The following SPIRE1 variants were observed in gnomAD, a reference collection of about 807,000 sequenced individuals.
SPIRE1 encodes spire type actin nucleation factor 1.
A neutral mutation model predicts 94.1 loss-of-function variants in SPIRE1; 40 were observed. The ratio of observed to expected loss-of-function variants is 0.43; its 90% CI spans 0.33 to 0.55. SPIRE1 has a LOEUF of 0.55. Among genes scored for constraint, SPIRE1 ranks in the 20% least tolerant of loss-of-function variants. SPIRE1 has a pLI of 0.06. For missense variants in SPIRE1, 838 were observed against 975.2 expected, an observed-to-expected ratio of 0.86 and a Z score of 1.87; for synonymous variants, 376 against 371.7, an observed-to-expected ratio of 1.01 and a Z score of -0.13.
At chr18:12,502,235 C>A (rs575541998) in intron 6 of SPIRE1, among the ~76,000 whole-genome samples, 1 of 152,102 alleles carries the variant, frequency 6.6e-6, no homozygotes, top group South Asian at 2.1e-4. Flanking sequence ...GAGAAAGGTT[C>A]TTGCAGTGTA....
At chr18:12,523,479 G>A (rs1337085951) in intron 4 of SPIRE1, among the ~76,000 whole-genome samples, 1 of 152,176 alleles carries the variant, frequency 6.6e-6, no homozygotes, top group Non-Finnish European at 1.5e-5. Context: ...GTTCTACTGT[G>A]GGTAATGTGC....
intron 2 of SPIRE1, among the ~76,000 whole-genome samples, chr18:12,574,690 G>C (rs2036047136): frequency 6.6e-6 from 1 of 152,210 alleles, no homozygotes; most frequent in African/African-American, 2.4e-5. Context: ...ACTGAAGTCA[G>C]AGTGTATGAG....
At position 12,497,999 on chromosome 18, in the gene SPIRE1, G is replaced by A. The variant is rs550204201; in HGVS notation, c.973-1897C>T. Among the ~76,000 whole-genome samples the A allele has an allele frequency of 2.6e-4, 40 of 152,310 alleles. 1 individual carries two copies. Among genetic ancestry groups the A allele is most frequent in the Admixed American group, 2.6e-3 (40 of 15,300 alleles). On this transcript the variant is annotated intron_variant, in intron 6 of 16. Coordinates refer to ENST00000409402, the MANE Select transcript of SPIRE1 (RefSeq NM_001128626.2). ...ATGTGGGACAATGCTCCTGAGGGAG[G>A]CAGCAGGCCATTATGGACCTAAGTC...
chr18:12,480,019 G>A, intron 9 of SPIRE1, 148 bp from the exon 10 acceptor site: 1 of 564,918 alleles, frequency 1.8e-6, no homozygotes, highest in Non-Finnish European at 2.9e-6. Flanking sequence ...TCTTCTGGTT[G>A]GATATTAACT....
At chr18:12,600,880 A>G (rs115450289) in intron 2 of SPIRE1, among the ~76,000 whole-genome samples, 2,358 of 151,948 alleles carry the variant, frequency 0.016, 47 homozygotes, top group Middle Eastern at 0.044. Flanking sequence ...ACGCAACCAC[A>G]CCCAACTAAT....
In SPIRE1 at chr18:12,508,295, T is replaced by A. The variant is rs183074840; in HGVS notation, c.808-1654A>T. ...CATCCTCAATAACGATTCATAATTT[T>A]AAAAAAATGTTGGGTTTGGACAATA... On this transcript the variant is annotated intron_variant, in intron 5 of 16. Coordinates refer to ENST00000409402, the MANE Select transcript of SPIRE1 (RefSeq NM_001128626.2). 5.3e-3 allele frequency among the ~76,000 whole-genome samples: 803 copies of A among 152,252 alleles called. 6 individuals carry two copies. Among genetic ancestry groups the A allele is most frequent in the African/African-American group, 0.018 (763 of 41,546 alleles).
At chr18:12,500,089 C>T (rs191667069) in intron 6 of SPIRE1, among the ~76,000 whole-genome samples, 79 of 152,096 alleles carry the variant, frequency 5.2e-4, no homozygotes, top group Non-Finnish European at 9.3e-4. Context: ...TACACATGGA[C>T]GCAAAGATGG....
At chr18:12,566,797 C>T (rs139907235) in intron 2 of SPIRE1, among the ~76,000 whole-genome samples, 1 of 152,130 alleles carries the variant, frequency 6.6e-6, no homozygotes, top group Non-Finnish European at 1.5e-5. Flanking sequence ...CAACCCTCTA[C>T]AATCTACCTC....
At chr18:12,623,375 A>C (rs779914851) in intron 2 of SPIRE1, among the ~76,000 whole-genome samples, 39 of 151,724 alleles carry the variant, frequency 2.6e-4, no homozygotes, top group Non-Finnish European at 3.4e-4. Flanking sequence ...GGATGGTCTC[A>C]ATCTCCTGAC....
At chr18:12,494,188 C>T (rs2033349611) in intron 7 of SPIRE1, among the ~76,000 whole-genome samples, 1 of 152,308 alleles carries the variant, frequency 6.6e-6, no homozygotes. Context: ...GTGGGGATTA[C>T]AGGTGTGAGC....
intron 10 of SPIRE1, among the ~76,000 whole-genome samples, chr18:12,470,474 G>T (rs2143672366): frequency 6.6e-6 from 1 of 152,212 alleles, no homozygotes; most frequent in East Asian, 1.9e-4. Context: ...TTTTCTGATT[G>T]CTTAAAATGA....
intron 3 of SPIRE1, among the ~76,000 whole-genome samples, chr18:12,544,688 A>G (rs1346962041): frequency 6.6e-6 from 1 of 152,154 alleles, no homozygotes. Context: ...TTCATTTTTC[A>G]TATAATGATA....
rs558747899 is a variant in SPIRE1, at chr18:12,458,600, A to T, written c.1639-4117T>A. Among the ~76,000 whole-genome samples, 593 of 152,236 alleles carry T rather than the reference A, an allele frequency of 3.9e-3. 7 individuals carry two copies. The highest frequency in any genetic ancestry group is 2.9e-3 in the Non-Finnish European group (198 of 67,998). ...CTGCACTCCAGCCTGAGTGACAGAG[A>T]GAGACTCCATCTCAAAAAAAACAAA... On this transcript the variant is annotated intron_variant, in intron 12 of 16. Transcript: ENST00000409402.
rs1598479390 is a variant in SPIRE1, at chr18:12,567,121, AGG to A, written c.373-20219_373-20218del. On this transcript the variant is annotated intron_variant, in intron 2 of 16. Transcript: ENST00000409402. ...CTGGAACTAATAAGCAATTATAGCAAGGTTGCAGGATACAAGGTTAATATACA... is the reference window on the plus strand; with the variant it reads ...CTGGAACTAATAAGCAATTATAGCAATTGCAGGATACAAGGTTAATATACA... Among the ~76,000 whole-genome samples the A allele has an allele frequency of 5.9e-5, 9 of 152,340 alleles. No homozygotes were observed. The East Asian group carries it at 1.7e-3, about 29-fold the overall frequency.
intron 2 of SPIRE1, among the ~76,000 whole-genome samples, chr18:12,553,556 C>T (rs1038314380): frequency 1.3e-5 from 2 of 152,102 alleles, no homozygotes; most frequent in African/African-American, 4.8e-5. Context: ...AGCTCAACCA[C>T]AGTAGAACAG....
chr18:12,498,767 C>T (rs1039063379), intron 6 of SPIRE1, among the ~76,000 whole-genome samples: 2 of 152,186 alleles, frequency 1.3e-5, no homozygotes, highest in South Asian at 4.1e-4. Context: ...GCTGGGACTA[C>T]AGGTGTGAAC....
intron 10 of SPIRE1, 140 bp from the exon 11 acceptor site, chr18:12,465,098 C>T: frequency 1.5e-6 from 1 of 686,500 alleles, no homozygotes; most frequent in Non-Finnish European, 2.5e-6. Context: ...AAAAGACAAA[C>T]TAGAAGGGGT....
At chr18:12,659,834 A>G (rs1272727390), upstream of SPIRE1, among the ~76,000 whole-genome samples, 3 of 152,084 alleles carry the variant, frequency 2.0e-5, no homozygotes, top group African/African-American at 7.2e-5. Context: ...CAAAGCCCAG[A>G]GAGGCAAACA....
At chr18:12,658,311 G>T, upstream of SPIRE1, 1 of 439,174 alleles carries the variant, frequency 2.3e-6, no homozygotes, top group South Asian at 1.6e-5. Flanking sequence ...CGGGGGGCCC[G>T]GTCGCAAGGG....
Sources: gnomAD v4.1 joint callset for allele counts (sites outside exome capture counted in the v4.1 genomes callset) on GRCh38, gnomAD v4.1.1 for gene constraint, MANE v1.5 for transcripts, NCBI Gene and HGNC (gene_info 2026-07-23, HGNC 2026-07-21) for gene names.